Variants in FRAS1 observed in about 807,000 individuals in gnomAD.
FRAS1 encodes extracellular matrix organizing protein FRAS1.
FRAS1 carries 290 observed loss-of-function variants against 435.2 expected under a neutral mutation model. That is an observed-to-expected ratio of 0.67 (90% CI 0.61 to 0.73). FRAS1 has a LOEUF of 0.73. Among genes scored for constraint, FRAS1 ranks in the 30% least tolerant of loss-of-function variants. FRAS1 has a pLI of 0.00. For missense variants in FRAS1, 4,860 were observed against 5,001.5 expected (o/e 0.97, Z 0.85); for synonymous variants, 1,800 against 1,851.0 (o/e 0.97, Z 0.71).
chr4:78,257,365 T>C (rs1165445250), intron 6 of FRAS1, among the ~76,000 whole-genome samples: 1 of 152,154 alleles, frequency 6.6e-6, no homozygotes, highest in Non-Finnish European at 1.5e-5. Context: ...TGCACCTGCC[T>C]AATAATAACC....
chr4:78,522,246 A>T (rs541740226), intron 68 of FRAS1, among the ~76,000 whole-genome samples: 1 of 152,320 alleles, frequency 6.6e-6, no homozygotes, highest in South Asian at 2.1e-4. Flanking sequence ...TGTGACTTTT[A>T]TCTGATGCTG....
chr4:78,391,669 C>T (rs1254262117), intron 29 of FRAS1, among the ~76,000 whole-genome samples: 1 of 152,056 alleles, frequency 6.6e-6, no homozygotes, highest in East Asian at 1.9e-4. Context: ...GCAGTATTTT[C>T]TGCAACTGGG....
chr4:78,303,910 G>C (rs1328015838), intron 14 of FRAS1, among the ~76,000 whole-genome samples: 1 of 150,834 alleles, frequency 6.6e-6, no homozygotes, highest in African/African-American at 2.4e-5. Context: ...GGAGTGGTGA[G>C]AGAGGGCATC....
intron 64 of FRAS1, 47 bp from the exon 65 acceptor site, chr4:78,513,345 A>G: frequency 6.3e-7 from 1 of 1,595,246 alleles, no homozygotes; most frequent in African/African-American, 1.3e-5. Context: ...CCTATTGACC[A>G]TTTATAGCAG....
At chr4:78,260,192 T>G (rs1726015096) in intron 6 of FRAS1, among the ~76,000 whole-genome samples, 1 of 151,930 alleles carries the variant, frequency 6.6e-6, no homozygotes, top group Admixed American at 6.6e-5. Context: ...GCGGGCTCTT[T>G]TTTGGTTCCA....
At chr4:78,296,932 A>C (rs1256034803) in intron 14 of FRAS1, among the ~76,000 whole-genome samples, 1 of 152,200 alleles carries the variant, frequency 6.6e-6, no homozygotes. Flanking sequence ...TACAACAAAT[A>C]TTATTATTTC....
chr4:78,161,742 CAAAAAAAAAAAAAAA>C (rs71214399), intron 2 of FRAS1, among the ~76,000 whole-genome samples: 2 of 24,876 alleles, frequency 8.0e-5, no homozygotes, highest in African/African-American at 2.0e-4. Context: ...AACTCTGTCT[CAAAAAAAAAAAAAAA>C]AAAAAAAAAA....
chr4:78,150,633 C>T (rs774327404), intron 2 of FRAS1, among the ~76,000 whole-genome samples: 22 of 152,262 alleles, frequency 1.4e-4, no homozygotes, highest in East Asian at 5.8e-4. Flanking sequence ...GAAGATAGGA[C>T]GGATCACTTT....
intron 9 of FRAS1, among the ~76,000 whole-genome samples, chr4:78,270,754 T>G (rs573119381): frequency 7.2e-4 from 109 of 152,254 alleles, no homozygotes; most frequent in South Asian, 1.5e-3. Flanking sequence ...CTCTTTTATA[T>G]GCTTTGAAAG....
At chr4:78,335,294 C>T (rs972913660) in intron 19 of FRAS1, among the ~76,000 whole-genome samples, 1 of 152,176 alleles carries the variant, frequency 6.6e-6, no homozygotes, top group Admixed American at 6.5e-5. Flanking sequence ...ACGTCTGTCA[C>T]CTGGGTTGGT....
rs1726283956 is a variant in FRAS1 at position 78,265,057 on chromosome 4, TTGCCCGCAGTGCTC to T, written c.640_653del (p.Pro214LysfsTer14). Reference sequence around the variant, plus strand: ...CTGTAGTCCGAGTCCCTGGAAAATGTTGCCCGCAGTGCTCTGCAAGATCCTGCTCTGCAGCTGGC... The same window carrying T: ...CTGTAGTCCGAGTCCCTGGAAAATGTTGCAAGATCCTGCTCTGCAGCTGGC... On this transcript the variant is annotated frameshift_variant, in exon 7 of 74. Transcript: ENST00000512123. LOFTEE classifies it high-confidence loss of function. 6.2e-7 allele frequency: 1 copy of T among 1,613,192 alleles called. No homozygotes were observed. The highest frequency in any genetic ancestry group is 1.3e-5 in the African/African-American group (1 of 74,908).
At chr4:78,200,597 G>C (rs1351024482) in intron 2 of FRAS1, among the ~76,000 whole-genome samples, 1 of 151,988 alleles carries the variant, frequency 6.6e-6, no homozygotes, top group Non-Finnish European at 1.5e-5. Flanking sequence ...ATGCAACACT[G>C]ATGTGATCGA....
chr4:78,410,454 T>TAA (rs34923655), intron 31 of FRAS1, among the ~76,000 whole-genome samples: 3 of 151,098 alleles, frequency 2.0e-5, no homozygotes, highest in Admixed American at 6.6e-5. Context: ...AATAATGATT[T>TAA]AAAAAAAACT....
At chr4:78,518,454 T>TATATATATATA (rs1560423230) in intron 66 of FRAS1, among the ~76,000 whole-genome samples, 60 of 100,828 alleles carry the variant, frequency 6.0e-4, no homozygotes, top group African/African-American at 2.4e-3. Flanking sequence ...ATATATATAT[T>TATATATATATA]TATTTATTTA....
At chr4:78,537,988 G>A (rs951944019) in intron 72 of FRAS1, among the ~76,000 whole-genome samples, 1 of 150,092 alleles carries the variant, frequency 6.7e-6, no homozygotes, top group Middle Eastern at 3.5e-3. Flanking sequence ...GTTTGAAAAA[G>A]CTATTAACTA....
chr4:78,112,846 C>CT (rs888970913), intron 2 of FRAS1, among the ~76,000 whole-genome samples: 1 of 151,090 alleles, frequency 6.6e-6, no homozygotes. Flanking sequence ...TTTTATTATA[C>CT]TTTAAGTTTT....
intron 28 of FRAS1, among the ~76,000 whole-genome samples, chr4:78,386,791 TA>T (rs1255444275): frequency 7.9e-5 from 12 of 152,186 alleles, no homozygotes; most frequent in Non-Finnish European, 4.4e-5. Flanking sequence ...TAAATTTTAC[TA>T]TAATATATTA....
chr4:78,171,858 G>A (rs981466879), intron 2 of FRAS1, among the ~76,000 whole-genome samples: 5 of 151,920 alleles, frequency 3.3e-5, no homozygotes, highest in East Asian at 1.9e-4. Context: ...ATACAGGCTC[G>A]TTGACCCGGC....
At chr4:78,201,143 C>T (rs1723035830) in intron 2 of FRAS1, among the ~76,000 whole-genome samples, 1 of 152,008 alleles carries the variant, frequency 6.6e-6, no homozygotes. Flanking sequence ...TTGTGTCTGC[C>T]TCTCCTCCCT....
Sources: allele counts gnomAD v4.1 joint callset (sites outside exome capture counted in the v4.1 genomes callset), GRCh38; gene constraint gnomAD v4.1.1; transcripts MANE v1.5; gene names NCBI Gene and HGNC (gene_info 2026-07-23, HGNC 2026-07-21).